Variants in ENG observed in about 807,000 individuals in gnomAD.
The protein encoded by ENG is endoglin.
A neutral mutation model predicts 71.0 loss-of-function variants in ENG; 17 were observed. That is an observed-to-expected ratio of 0.24 (90% CI 0.16 to 0.36). The LOEUF is 0.36. Among genes scored for constraint, ENG ranks in the 10% least tolerant of loss-of-function variants. The pLI, the probability that ENG is intolerant of heterozygous loss-of-function variation, is 1.00. For synonymous variants in ENG, 360 were observed against 366.9 expected (o/e 0.98, Z 0.21); for missense variants, 749 against 868.3 (o/e 0.86, Z 1.73).
At chr9:127,817,042 C>T in intron 13 of ENG, 107 bp downstream of exon 13, 1 of 1,311,814 alleles carries the variant, frequency 7.6e-7, no homozygotes, top group Non-Finnish European at 1.1e-6. Context: ...CTCTGGGGTC[C>T]CCCTTGCCAT....
At chr9:127,837,543 G>A (rs963396028) in intron 2 of ENG, among the ~76,000 whole-genome samples, 2 of 152,100 alleles carry the variant, frequency 1.3e-5, no homozygotes, top group African/African-American at 4.8e-5. Flanking sequence ...GCCCAGCCTG[G>A]GGCTTCTGTG....
intron 1 of ENG, among the ~76,000 whole-genome samples, chr9:127,843,732 C>CACACATATATATAT (rs1554812389): frequency 6.3e-4 from 8 of 12,754 alleles, no homozygotes; most frequent in African/African-American, 1.9e-3. Context: ...CACACATCCA[C>CACACATATATATAT]ATACATATAT....
At chr9:127,853,506 G>A (rs2131935279) in intron 1 of ENG, among the ~76,000 whole-genome samples, 1 of 152,244 alleles carries the variant, frequency 6.6e-6, no homozygotes, top group East Asian at 1.9e-4. Context: ...AAGCAGCAGA[G>A]GCCATGACCC....
At chr9:127,853,116 GAGCAAACATTT>G (rs949983541) in intron 1 of ENG, among the ~76,000 whole-genome samples, 5 of 152,108 alleles carry the variant, frequency 3.3e-5, no homozygotes, top group African/African-American at 1.2e-4. Flanking sequence ...ACCTTACTAG[GAGCAAACATTT>G]AGGGAGCCGC....
In ENG at chr9:127,846,712, G is replaced by A. The variant is rs1831176291; in HGVS notation, c.68-3467C>T. Among the ~76,000 whole-genome samples, 1 of 152,154 alleles carries A rather than the reference G, an allele frequency of 6.6e-6. No individual in the cohort carries two copies. Among genetic ancestry groups the A allele is most frequent in the Non-Finnish European group, 1.5e-5 (1 of 68,038 alleles). ...AGGAGGGAGTGTGACGCCTGGGCCT[G>A]TCTCCCGGAGCCTGAGGCGGGCCCA... On this transcript the variant is annotated intron_variant, in intron 1 of 14. Coordinates refer to ENST00000373203, the MANE Select transcript of ENG (RefSeq NM_001114753.3). The surrounding 1 kb of genome is among the most constrained non-coding windows in gnomAD (Gnocchi z 5.5).
Position 127,838,011 on chromosome 9 carries a change from T to C in ENG, c.219+5083A>G, listed in dbSNP as rs1830945426. ...AGCCTCTGGCCCCAGTGCTTTCTCC[T>C]TCTCATCACTGTGGTTCTGACAGCC... is the stretch of plus-strand genomic sequence containing the variant. On this transcript the variant is annotated intron_variant, in intron 2 of 14. Transcript: ENST00000373203. This position sits in a 1 kb window ranked among gnomAD's most constrained non-coding sequence, Gnocchi z 4.3. Among the ~76,000 whole-genome samples, 1 of 152,150 alleles carries C rather than the reference T, an allele frequency of 6.6e-6. No homozygotes were observed. Among genetic ancestry groups the C allele is most frequent in the Non-Finnish European group, 1.5e-5 (1 of 68,026 alleles).
At chr9:127,825,627 GC>G in intron 5 of ENG, 67 bp downstream of exon 5, 1 of 1,228,290 alleles carries the variant, frequency 8.1e-7, no homozygotes, top group Non-Finnish European at 1.1e-6. Context: ...CGGAGAGGGG[GC>G]GGGGGGGGTC....
In ENG at chr9:127,826,558, C is replaced by T. The variant is rs1164238765; in HGVS notation, c.475G>A (p.Ala159Thr). The change falls in exon 4 of 15, where the codon GCT becomes ACT. Residue 159 changes from alanine (A) to threonine (T), a missense_variant. Coordinates refer to ENST00000373203, the MANE Select transcript of ENG (RefSeq NM_001114753.3). ...WAAERGPITS[A>T]AELNDPQSIL... is the part of the protein sequence containing the mutation. ...CTCTGGGGGTCATTCAGCTCAGCAGCAGAGGTGATGGGGCCCCTCTCAGCT... is the reference window on the plus strand; with the variant it reads ...CTCTGGGGGTCATTCAGCTCAGCAGTAGAGGTGATGGGGCCCCTCTCAGCT... The T allele has an allele frequency of 6.2e-7, 1 of 1,614,140 alleles. No homozygotes were observed. Among genetic ancestry groups the T allele is most frequent in the South Asian group, 1.1e-5 (1 of 91,084 alleles).
In ENG at chr9:127,816,043, G is replaced by C; in HGVS notation, c.1752C>G (p.Ser584Arg). 1 of 1,610,050 alleles carries C rather than the reference G, an allele frequency of 6.2e-7. No individual in the cohort carries two copies. The change falls in exon 14 of 15, where the codon AGC becomes AGG. Residue 584 changes from serine (S) to arginine (R), a missense_variant. By Grantham distance (110) the Ser-to-Arg change is moderately radical (BLOSUM62 -1). Transcript: ENST00000373203. ...GCACGGCGGGCAGGACGAGGCCTTT[G>C]CTTGTGCAACCTAGAGAGGGCCGAC... ...IISPDLSGCT[S>R]KGLVLPAVLG...
chr9:127,829,555 G>C, intron 3 of ENG, 132 bp downstream of exon 3: 1 of 1,267,242 alleles, frequency 7.9e-7, no homozygotes, highest in African/African-American at 1.5e-5. Flanking sequence ...CAGGACCCTG[G>C]TGAATAATGT....
chr9:127,823,084 G>A lies in ENG; in HGVS notation c.1134+1220C>T, dbSNP rs567909541. On this transcript the variant is annotated intron_variant, in intron 8 of 14. Coordinates refer to ENST00000373203, the MANE Select transcript of ENG (RefSeq NM_001114753.3). ...TCAAACTCTTGAGCTCCGGCAATCT[G>A]CCTGCCTCGGCCTCCAAAGTGCTAG... is the stretch of plus-strand genomic sequence containing the variant. Among the ~76,000 whole-genome samples, 200 of 152,154 alleles carry A rather than the reference G, an allele frequency of 1.3e-3. 1 individual carries two copies. The highest frequency in any genetic ancestry group is 4.6e-3 in the African/African-American group (190 of 41,502).
intron 2 of ENG, among the ~76,000 whole-genome samples, chr9:127,833,260 G>A (rs149552525): frequency 2.0e-5 from 3 of 152,248 alleles, no homozygotes; most frequent in Non-Finnish European, 2.9e-5. Context: ...GGTGGCTTAC[G>A]CCTGTAATCC....
intron 13 of ENG, 117 bp downstream of exon 13, chr9:127,817,032 C>T (rs1245338438): frequency 8.1e-7 from 1 of 1,241,748 alleles, no homozygotes; most frequent in Non-Finnish European, 1.2e-6. Context: ...GGGCCGCTTT[C>T]TCTGGGGTCC....
At chr9:127,850,464 G>A (rs1045400413) in intron 1 of ENG, among the ~76,000 whole-genome samples, 4 of 152,184 alleles carry the variant, frequency 2.6e-5, no homozygotes, top group Admixed American at 1.3e-4. Flanking sequence ...TCTGGGTCAC[G>A]TCTGTCTGGC....
chr9:127,820,580 G>A (rs1830445479), intron 8 of ENG, among the ~76,000 whole-genome samples: 1 of 151,560 alleles, frequency 6.6e-6, no homozygotes, highest in Non-Finnish European at 1.5e-5. Flanking sequence ...TGTAATCCCA[G>A]CACTTTGGGA....
Position 127,817,178 on chromosome 9 carries a change from C to T in ENG, c.1712G>A (p.Arg571His), listed in dbSNP as rs138799379. 168 of 1,614,174 alleles carry T rather than the reference C, an allele frequency of 1.0e-4. 1 individual carries two copies. The highest frequency in any genetic ancestry group is 6.6e-4 in the Middle Eastern group (4 of 6,062). Reference protein sequence around the residue: ...DQEVHRTVFMRLNIISPDLSG... With the variant: ...DQEVHRTVFMHLNIISPDLSG... ...CAGGTCAGGGCTGATGATGTTCAAGCGCATGAAGACAGTCCTATGGACTTC... is the reference window on the plus strand; with the variant it reads ...CAGGTCAGGGCTGATGATGTTCAAGTGCATGAAGACAGTCCTATGGACTTC... The change falls in exon 13 of 15, where the codon CGC becomes CAC. Residue 571 changes from arginine to histidine, a missense_variant. Physicochemically the swap from Arg to His is conservative, Grantham distance 29. Coordinates refer to ENST00000373203, the MANE Select transcript of ENG (RefSeq NM_001114753.3).
chr9:127,819,671 A>G lies in ENG; in HGVS notation c.1273-11T>C, dbSNP rs1340758945. On this transcript the variant is annotated splice_polypyrimidine_tract_variant and intron_variant, in intron 9 of 14. Coordinates refer to ENST00000373203, the MANE Select transcript of ENG (RefSeq NM_001114753.3). ...GATATTGACCACCGCCTGCGGGGAT[A>G]AAGCCAGGGAGCTGGTCAGAGCCAG... The G allele has an allele frequency of 1.0e-5, 16 of 1,606,400 alleles. No homozygotes were observed. The highest frequency in any genetic ancestry group is 2.7e-5 in the African/African-American group (2 of 74,882).
At chr9:127,835,683 TG>T (rs1338421205) in intron 2 of ENG, among the ~76,000 whole-genome samples, 1 of 152,152 alleles carries the variant, frequency 6.6e-6, no homozygotes, top group East Asian at 1.9e-4. Flanking sequence ...CCACTGTCCC[TG>T]TTCCTCTATG....
At chr9:127,824,205 C>T (rs1830542328) in intron 8 of ENG, 99 bp downstream of exon 8, 2 of 1,574,480 alleles carry the variant, frequency 1.3e-6, no homozygotes, top group Admixed American at 1.7e-5. Flanking sequence ...AGGGACGTGA[C>T]TTGCCCCCCT....
Sources: gnomAD v4.1 joint callset for allele counts (sites outside exome capture counted in the v4.1 genomes callset) on GRCh38, gnomAD v4.1.1 for gene constraint, Gnocchi (gnomAD v3.1) non-coding constraint, MANE v1.5 for transcripts, NCBI Gene and HGNC (gene_info 2026-07-23, HGNC 2026-07-21) for gene names.